The following KCNT2 variants were observed in gnomAD, a reference collection of about 807,000 sequenced individuals.
KCNT2 encodes potassium channel subfamily T member 2.
Under a neutral mutation model 153.8 loss-of-function variants are expected in KCNT2, and 67 were observed. The ratio of observed to expected loss-of-function variants is 0.44; its 90% confidence interval spans 0.36 to 0.53. KCNT2 has a LOEUF of 0.53. KCNT2 is among the 20% of genes least tolerant of loss of function. KCNT2 has a pLI of 0.00. For missense variants in KCNT2, 975 were observed against 1,354.8 expected (o/e 0.72, Z 4.40); for synonymous variants, 500 against 458.8 (o/e 1.09, Z -1.15).
At chr1:196,380,132 T>G (rs1370873203) in intron 13 of KCNT2, among the ~76,000 whole-genome samples, 2 of 152,244 alleles carry the variant, frequency 1.3e-5, no homozygotes, top group Non-Finnish European at 2.9e-5. Flanking sequence ...TATGCCTGTA[T>G]GTGTGTCTGG....
intron 14 of KCNT2, among the ~76,000 whole-genome samples, chr1:196,353,043 T>C (rs1371286383): frequency 1.3e-5 from 2 of 152,090 alleles, no homozygotes; most frequent in African/African-American, 4.8e-5. Flanking sequence ...GAGTTCTAGT[T>C]TGATTGCACT....
At chr1:196,405,442 A>C (rs16839878) in intron 12 of KCNT2, among the ~76,000 whole-genome samples, 1 of 151,474 alleles carries the variant, frequency 6.6e-6, no homozygotes, top group African/African-American at 2.4e-5. Flanking sequence ...ATAAAATTCA[A>C]CTTAATAAAC....
chr1:196,556,218 A>G (rs972846447), intron 1 of KCNT2, among the ~76,000 whole-genome samples: 4 of 151,584 alleles, frequency 2.6e-5, no homozygotes, highest in Non-Finnish European at 5.9e-5. Context: ...GACACAACAC[A>G]CAGAATGGGA....
At chr1:196,283,032 A>G (rs776663515) in intron 23 of KCNT2, among the ~76,000 whole-genome samples, 7 of 152,166 alleles carry the variant, frequency 4.6e-5, no homozygotes, top group Non-Finnish European at 8.8e-5. Flanking sequence ...TTTAGTAAAG[A>G]CAGGGTTTCC....
chr1:196,277,590 T>C (rs1315173280), intron 25 of KCNT2, among the ~76,000 whole-genome samples: 3 of 152,104 alleles, frequency 2.0e-5, no homozygotes, highest in African/African-American at 7.2e-5. Flanking sequence ...TTGAGGAAAA[T>C]TGAGATCTGA....
chr1:196,587,332 GA>G (rs1334230218), intron 1 of KCNT2, among the ~76,000 whole-genome samples: 1 of 151,970 alleles, frequency 6.6e-6, no homozygotes, highest in Non-Finnish European at 1.5e-5. Flanking sequence ...CAACTAGAGA[GA>G]TTACATAATT....
chr1:196,536,609 C>A (rs1455477181), intron 1 of KCNT2, among the ~76,000 whole-genome samples: 1 of 152,184 alleles, frequency 6.6e-6, no homozygotes, highest in African/African-American at 2.4e-5. Flanking sequence ...TGCTAAGGGG[C>A]TTATACTCAG....
intron 22 of KCNT2, among the ~76,000 whole-genome samples, chr1:196,301,575 T>G (rs1558120385): frequency 6.6e-6 from 1 of 152,138 alleles, no homozygotes; most frequent in Non-Finnish European, 1.5e-5. Context: ...AAGGAAAACA[T>G]CAAAGCTTAA....
intron 8 of KCNT2, among the ~76,000 whole-genome samples, chr1:196,442,067 C>T (rs185028275): frequency 2.0e-5 from 3 of 151,784 alleles, no homozygotes; most frequent in East Asian, 2.0e-4. Context: ...TCATCACTTT[C>T]GTCTGGAAAC....
intron 19 of KCNT2, among the ~76,000 whole-genome samples, chr1:196,321,608 G>GT (rs1157233544): frequency 5.3e-5 from 8 of 151,896 alleles, no homozygotes; most frequent in African/African-American, 1.9e-4. Context: ...CTGTATTGTG[G>GT]TAGTATGGTT....
intron 5 of KCNT2, among the ~76,000 whole-genome samples, chr1:196,476,993 A>G (rs190230648): frequency 1.6e-4 from 24 of 152,272 alleles, no homozygotes; most frequent in Non-Finnish European, 3.4e-4. Context: ...GACATAGCAA[A>G]TGTGCTTTTA....
At chr1:196,432,875 T>TGAGCAGGACATGCATTTTGATGG (rs1674284155) in intron 8 of KCNT2, among the ~76,000 whole-genome samples, 1 of 152,112 alleles carries the variant, frequency 6.6e-6, no homozygotes, top group South Asian at 2.1e-4. Context: ...ATTTTGTATG[T>TGAGCAGGACATGCATTTTGATGG]GAGCAGGACA....
intron 27 of KCNT2, among the ~76,000 whole-genome samples, chr1:196,232,123 G>A (rs145299691): frequency 1.5e-4 from 23 of 151,842 alleles, no homozygotes; most frequent in Non-Finnish European, 2.5e-4. Flanking sequence ...AATAAAAGTT[G>A]AGACTAGTGT....
intron 14 of KCNT2, among the ~76,000 whole-genome samples, chr1:196,352,263 T>C (rs1423193466): frequency 6.6e-6 from 1 of 152,106 alleles, no homozygotes; most frequent in African/African-American, 2.4e-5. Flanking sequence ...TTGATTGGAA[T>C]AGTTTCAGAA....
chr1:196,606,427 A>C (rs1457596053), intron 1 of KCNT2, among the ~76,000 whole-genome samples: 1 of 152,214 alleles, frequency 6.6e-6, no homozygotes, highest in African/African-American at 2.4e-5. Context: ...TTAAATATTT[A>C]ATAACTTATT....
chr1:196,556,674 C>T (rs1281194637), intron 1 of KCNT2, among the ~76,000 whole-genome samples: 5 of 151,436 alleles, frequency 3.3e-5, no homozygotes, highest in African/African-American at 1.2e-4. Context: ...GAGATATCTG[C>T]ACTCTCTTGT....
intron 22 of KCNT2, among the ~76,000 whole-genome samples, chr1:196,286,665 G>A (rs924786495): frequency 7.2e-6 from 1 of 139,634 alleles, no homozygotes; most frequent in Non-Finnish European, 1.5e-5. Context: ...ACACACACAC[G>A]TTGTTTATGT....
At chr1:196,515,309 C>T (rs1681957951) in intron 1 of KCNT2, among the ~76,000 whole-genome samples, 1 of 152,122 alleles carries the variant, frequency 6.6e-6, no homozygotes, top group African/African-American at 2.4e-5. Flanking sequence ...TCTTTCAACT[C>T]CAGATATAAG....
intron 13 of KCNT2, among the ~76,000 whole-genome samples, chr1:196,389,079 G>C (rs1204871436): frequency 6.6e-6 from 1 of 151,638 alleles, no homozygotes; most frequent in Admixed American, 6.6e-5. Flanking sequence ...TGCGGTTATT[G>C]CATCTGTTGA....
Sources: gnomAD v4.1 joint callset for allele counts (sites outside exome capture counted in the v4.1 genomes callset) on GRCh38, gnomAD v4.1.1 for gene constraint, MANE v1.5 for transcripts, NCBI Gene and HGNC (gene_info 2026-07-23, HGNC 2026-07-21) for gene names.